Variants in SCTR observed in about 807,000 individuals in gnomAD.
SCTR encodes pancreatic secretin receptor.
In SCTR, 56 loss-of-function variants were observed where a neutral mutation model predicts 60.8. The ratio of observed to expected loss-of-function variants is 0.92; its 90% CI spans 0.74 to 1.15. SCTR has a LOEUF of 1.15. Ranked by LOEUF, SCTR falls within the 50% of genes most tolerant of loss-of-function variation. The pLI is 0.00. For synonymous variants in SCTR, 202 were observed against 217.0 expected (o/e 0.93, Z 0.61); for missense variants, 562 against 550.4 (o/e 1.02, Z -0.21).
At chr2:119,500,257 C>T (rs187714878) in intron 1 of SCTR, among the ~76,000 whole-genome samples, 2 of 152,136 alleles carry the variant, frequency 1.3e-5, no homozygotes, top group South Asian at 2.1e-4. Context: ...AAGGGGAATG[C>T]TTGTATACTG....
chr2:119,523,381 C>G (rs894677618), intron 1 of SCTR, among the ~76,000 whole-genome samples: 1 of 148,640 alleles, frequency 6.7e-6, no homozygotes, highest in Non-Finnish European at 1.5e-5. Context: ...AACAAACCAC[C>G]CATCCTGCCG....
At chr2:119,465,985 G>T in intron 4 of SCTR, 99 bp from the exon 5 acceptor site, 1 of 772,810 alleles carries the variant, frequency 1.3e-6, no homozygotes, top group Non-Finnish European at 2.3e-6. Flanking sequence ...ACCCACCGAC[G>T]CTGCTATTCT....
intron 10 of SCTR, 109 bp from the exon 11 acceptor site, chr2:119,446,994 G>A (rs759377373): frequency 1.2e-4 from 139 of 1,174,810 alleles, no homozygotes; most frequent in Non-Finnish European, 1.5e-4. Flanking sequence ...TGCTGAGGCT[G>A]GCTAGCAGTA....
Position 119,464,213 on chromosome 2 carries a change from G to C in SCTR, c.546C>G (p.Phe182Leu). The C allele has an allele frequency of 1.2e-6, 2 of 1,614,170 alleles. No individual in the cohort carries two copies. Among genetic ancestry groups the C allele is most frequent in the Non-Finnish European group, 1.7e-6 (2 of 1,180,012 alleles). Reference protein sequence around the residue: ...CTRNYIHMHLFVSFILRALSN... With the variant: ...CTRNYIHMHLLVSFILRALSN... ...ACAGGGCACGAAGGATGAAGGACAC[G>C]AACAGGTGCATGTGGATGTAGTTGC... Residue 182 changes from phenylalanine to leucine, a missense_variant, in exon 6 of 13, where the codon TTC (phenylalanine) becomes TTG (leucine). By Grantham distance (22) the Phe-to-Leu change is conservative (BLOSUM62 0). Coordinates refer to ENST00000019103, the MANE Select transcript of SCTR (RefSeq NM_002980.3).
intron 6 of SCTR, among the ~76,000 whole-genome samples, chr2:119,462,652 C>T (rs1683661084): frequency 6.6e-6 from 1 of 152,338 alleles, no homozygotes; most frequent in Middle Eastern, 3.4e-3. Context: ...TCTACACCAG[C>T]ACAGCTCCTG....
intron 2 of SCTR, among the ~76,000 whole-genome samples, chr2:119,481,720 C>T (rs1315499039): frequency 6.6e-6 from 1 of 152,236 alleles, no homozygotes; most frequent in African/African-American, 2.4e-5. Flanking sequence ...CAGGAGAGCA[C>T]GCCCCTGTGC....
chr2:119,473,256 G>A (rs1030595444), intron 4 of SCTR, among the ~76,000 whole-genome samples, 197 bp downstream of exon 4: 7 of 152,164 alleles, frequency 4.6e-5, no homozygotes, highest in Non-Finnish European at 8.8e-5. Context: ...TCTCCGGGTC[G>A]ATAGACCAGG....
At chr2:119,450,379 G>A (rs111812074) in intron 9 of SCTR, among the ~76,000 whole-genome samples, 2 of 152,080 alleles carry the variant, frequency 1.3e-5, no homozygotes, top group African/African-American at 4.8e-5. Context: ...TCCTGGGCTG[G>A]GCTCTCCGAG....
chr2:119,478,757 C>T, intron 3 of SCTR, 54 bp downstream of exon 3: 1 of 1,579,638 alleles, frequency 6.3e-7, no homozygotes, highest in Non-Finnish European at 8.7e-7. Flanking sequence ...TGAGGCCCCA[C>T]CCAGAGGGAC....
chr2:119,472,835 T>G (rs2579638), intron 4 of SCTR, among the ~76,000 whole-genome samples: 120,536 of 151,434 alleles, frequency 0.8, 48,546 homozygotes, highest in East Asian at 0.87. Context: ...GTAGATCCAA[T>G]GTTTCACTAT....
chr2:119,486,968 A>C (rs1472718804), intron 2 of SCTR: 1 of 152,302 alleles, frequency 6.6e-6, no homozygotes, highest in Non-Finnish European at 1.5e-5. Context: ...CTGCACTAAC[A>C]GCCAGCATGC....
At chr2:119,497,394 C>G (rs922516267) in intron 1 of SCTR, among the ~76,000 whole-genome samples, 17 of 151,156 alleles carry the variant, frequency 1.1e-4, no homozygotes, top group African/African-American at 3.9e-4. Flanking sequence ...ATAAGATCCA[C>G]AGTTCCATAA....
chr2:119,473,177 T>C (rs1677097330), intron 4 of SCTR, among the ~76,000 whole-genome samples: 2 of 152,172 alleles, frequency 1.3e-5, no homozygotes, highest in Admixed American at 1.3e-4. Context: ...GTTGAATGAA[T>C]ACAGCACCCC....
chr2:119,512,585 C>T (rs1475316796), intron 1 of SCTR, among the ~76,000 whole-genome samples: 5 of 150,322 alleles, frequency 3.3e-5, no homozygotes, highest in South Asian at 2.1e-4. Flanking sequence ...TTAGTAGAGA[C>T]GGGGTTTCAC....
chr2:119,447,470 A>T (rs1161240987), intron 10 of SCTR, among the ~76,000 whole-genome samples: 1 of 152,244 alleles, frequency 6.6e-6, no homozygotes, highest in Admixed American at 6.5e-5. Context: ...CCAGGTCCCC[A>T]GGAATCTGAC....
intron 4 of SCTR, among the ~76,000 whole-genome samples, chr2:119,469,023 G>A (rs947066612): frequency 3.3e-5 from 5 of 152,112 alleles, no homozygotes; most frequent in Admixed American, 1.3e-4. Context: ...TCGATAGGAA[G>A]GCTACCATGT....
At chr2:119,457,139 A>T (rs1558842477) in intron 7 of SCTR, among the ~76,000 whole-genome samples, 1 of 152,198 alleles carries the variant, frequency 6.6e-6, no homozygotes, top group South Asian at 2.1e-4. Context: ...GAACTGATAG[A>T]TTTCCTATTG....
chr2:119,459,214 A>C (rs1271268854), intron 7 of SCTR, among the ~76,000 whole-genome samples: 2 of 152,352 alleles, frequency 1.3e-5, no homozygotes, highest in East Asian at 3.9e-4. Context: ...ACATCTATCT[A>C]TCTATGTGGT....
Position 119,524,388 on chromosome 2 carries a change from C to G in SCTR, c.-162G>C. 1 of 431,846 alleles carries G rather than the reference C, an allele frequency of 2.3e-6. No homozygotes were observed. Among genetic ancestry groups the G allele is most frequent in the Non-Finnish European group, 3.9e-6 (1 of 253,702 alleles). 26.8% of individuals were successfully genotyped at this position (431,846 alleles called of 1,614,324 possible). ...CGACCTGCGGCGGGCCCCGGGACTGCTCCTCCTCGGACCAGGTGGCCGCGC... is the reference window on the plus strand; with the variant it reads ...CGACCTGCGGCGGGCCCCGGGACTGGTCCTCCTCGGACCAGGTGGCCGCGC... On this transcript the variant is annotated 5_prime_UTR_variant, in exon 1 of 13. Coordinates refer to ENST00000019103, the MANE Select transcript of SCTR (RefSeq NM_002980.3).
Sources: gnomAD v4.1 joint callset for allele counts (sites outside exome capture counted in the v4.1 genomes callset) on GRCh38, gnomAD v4.1.1 for gene constraint, MANE v1.5 for transcripts, NCBI Gene and HGNC (gene_info 2026-07-23, HGNC 2026-07-21) for gene names.